Variants in GPAT3 observed in about 807,000 individuals in gnomAD.
GPAT3 encodes the protein 1-AGP acyltransferase 9.
Under a neutral mutation model 58.8 loss-of-function variants are expected in GPAT3, and 53 were observed. The ratio of observed to expected loss-of-function variants is 0.90; its 90% CI spans 0.72 to 1.13. GPAT3 has a LOEUF of 1.13. Ranked by LOEUF, GPAT3 falls within the 50% of genes most tolerant of loss-of-function variation. The pLI, the probability that GPAT3 is intolerant of heterozygous loss-of-function variation, is 0.00. For missense variants in GPAT3, 511 were observed against 527.6 expected (o/e 0.97, Z 0.31); for synonymous variants, 197 against 187.4 (o/e 1.05, Z -0.42).
chr4:83,541,125 C>A (rs985133664), intron 1 of GPAT3, among the ~76,000 whole-genome samples: 1 of 152,190 alleles, frequency 6.6e-6, no homozygotes, highest in African/African-American at 2.4e-5. Flanking sequence ...AAGGCACAGG[C>A]ATGTTTTTAC....
In GPAT3 at chr4:83,587,315, G is replaced by C. The variant is rs1008695158; in HGVS notation, c.540G>C (p.Gln180His). ...TTATAGGAACTACACTGGTTGGGCA[G>C]CTGCCAGACAGCAGGTGAAATGTTT... The part of the protein sequence containing the change: ...LLVIGTTLVG[Q>H]LPDSSLKNWL... Residue 180 changes from glutamine to histidine, a missense_variant, in exon 4 of 12, where the codon CAG (glutamine) becomes CAC (histidine). Transcript: ENST00000264409. 3.1e-6 allele frequency: 5 copies of C among 1,613,752 alleles called. No homozygotes were observed. Among genetic ancestry groups the C allele is most frequent in the Non-Finnish European group, 4.2e-6 (5 of 1,179,824 alleles).
At chr4:83,595,721 A>T (rs1377733525) in intron 7 of GPAT3, among the ~76,000 whole-genome samples, 1 of 152,054 alleles carries the variant, frequency 6.6e-6, no homozygotes, top group Admixed American at 6.6e-5. Flanking sequence ...CTTAAAAAAA[A>T]AAAAGAAGAT....
At chr4:83,553,883 T>A (rs1035416618) in intron 2 of GPAT3, among the ~76,000 whole-genome samples, 1 of 151,370 alleles carries the variant, frequency 6.6e-6, no homozygotes, top group Non-Finnish European at 1.5e-5. Flanking sequence ...TCTCAAAAAA[T>A]AAATAAATAA....
intron 6 of GPAT3, among the ~76,000 whole-genome samples, chr4:83,593,138 A>T (rs1210109076): frequency 7.1e-6 from 1 of 140,560 alleles, no homozygotes; most frequent in African/African-American, 2.6e-5. Context: ...AAGTCCTGGG[A>T]TTACAGGTGT....
At chr4:83,569,008 C>T (rs1471901479) in intron 2 of GPAT3, among the ~76,000 whole-genome samples, 3 of 152,112 alleles carry the variant, frequency 2.0e-5, no homozygotes, top group Non-Finnish European at 4.4e-5. Flanking sequence ...TGTCTGTGAC[C>T]TCCCAGTGTT....
intron 7 of GPAT3, 44 bp from the exon 8 acceptor site, chr4:83,596,814 C>G (rs778514946): frequency 1.3e-6 from 2 of 1,490,398 alleles, no homozygotes; most frequent in Non-Finnish European, 9.3e-7. Flanking sequence ...ACATCCACCT[C>G]TCTCTTTATA....
chr4:83,545,069 A>G (rs968800850), intron 2 of GPAT3, among the ~76,000 whole-genome samples: 42 of 152,238 alleles, frequency 2.8e-4, no homozygotes, highest in Admixed American at 2.7e-3. Flanking sequence ...AAATAAGTTT[A>G]GGAATCATCA....
At position 83,548,603 on chromosome 4, in the gene GPAT3, G is replaced by GAC. The variant is rs879876435; in HGVS notation, c.208+4001_208+4002insAC. Among the ~76,000 whole-genome samples, 379 of 152,242 alleles carry GAC rather than the reference G, an allele frequency of 2.5e-3. 1 individual carries two copies. The highest frequency in any genetic ancestry group is 4.5e-3 in the Non-Finnish European group (304 of 68,028). ...ATAAACACCACAAATACATAAAGGCGGTGGCTTGTCATTTTGGCATTGTTC... is the reference window on the plus strand; with the variant it reads ...ATAAACACCACAAATACATAAAGGCGACGTGGCTTGTCATTTTGGCATTGTTC... On this transcript the variant is annotated intron_variant, in intron 2 of 11. Transcript: ENST00000264409.
chr4:83,596,345 G>A (rs1402945661), intron 7 of GPAT3, among the ~76,000 whole-genome samples: 3 of 152,156 alleles, frequency 2.0e-5, no homozygotes, highest in East Asian at 1.9e-4. Flanking sequence ...TTTGGTCCAG[G>A]CACATTGGCT....
intron 2 of GPAT3, among the ~76,000 whole-genome samples, chr4:83,578,428 C>T (rs140023991): frequency 2.0e-5 from 3 of 152,174 alleles, no homozygotes; most frequent in Non-Finnish European, 2.9e-5. Flanking sequence ...GAAAACATTG[C>T]ACAACAAGTG....
At chr4:83,544,961 G>A (rs889942661) in intron 2 of GPAT3, among the ~76,000 whole-genome samples, 8 of 151,838 alleles carry the variant, frequency 5.3e-5, no homozygotes, top group African/African-American at 1.5e-4. Flanking sequence ...TTGAGGTTTC[G>A]TTAACCAACT....
At chr4:83,571,717 C>T (rs113992364) in intron 2 of GPAT3, among the ~76,000 whole-genome samples, 4 of 150,682 alleles carry the variant, frequency 2.7e-5, no homozygotes, top group East Asian at 3.9e-4. Flanking sequence ...CATATATATA[C>T]ACACACATAT....
At chr4:83,546,379 GTTT>G (rs373055285) in intron 2 of GPAT3, among the ~76,000 whole-genome samples, 3 of 136,116 alleles carry the variant, frequency 2.2e-5, no homozygotes, top group Admixed American at 7.3e-5. Context: ...CGTGGATTTA[GTTT>G]TTTTTTTTTT....
In GPAT3 at chr4:83,581,635, T is replaced by C; in HGVS notation, c.282T>C (p.Ser94=). The change falls in exon 3 of 12, where the codon TCT becomes TCC. Residue 94 remains serine, a synonymous_variant. Coordinates refer to ENST00000264409, the MANE Select transcript of GPAT3 (RefSeq NM_032717.5). ...SGLRGRDFEL[S]DVFYFSKKGL... ...TACGAGGAAGGGACTTTGAGCTGTCTGACGTGTTTTATTTCTCCAAGAAGG... is the reference window on the plus strand; with the variant it reads ...TACGAGGAAGGGACTTTGAGCTGTCCGACGTGTTTTATTTCTCCAAGAAGG... 6.2e-7 allele frequency: 1 copy of C among 1,614,218 alleles called. No individual in the cohort carries two copies. The highest frequency in any genetic ancestry group is 1.1e-5 in the South Asian group (1 of 91,092).
rs1727208327 is a variant in GPAT3, at chr4:83,605,157, C to T, written c.*390C>T. 1 of 161,754 alleles carries T rather than the reference C, an allele frequency of 6.2e-6. No individual in the cohort carries two copies. The highest frequency in any genetic ancestry group is 1.7e-4 in the South Asian group (1 of 5,806). The allele number at this position is 161,754 out of a possible 1,614,324, so 10.0% of individuals were successfully genotyped here. A position where few individuals can be genotyped will look rare whatever the true frequency, so the allele number is the denominator to read the frequency against. On this transcript the variant is annotated 3_prime_UTR_variant, in exon 12 of 12. Transcript: ENST00000264409. ...TTAGCCTTGCCACTTTCTTCAGTCA[C>T]TTAAATGGTGAGATTACACATCAGT...
At chr4:83,570,268 G>A (rs562729648) in intron 2 of GPAT3, among the ~76,000 whole-genome samples, 1 of 152,256 alleles carries the variant, frequency 6.6e-6, no homozygotes, top group African/African-American at 2.4e-5. Flanking sequence ...GTATAAGTTG[G>A]AGATAATACA....
At chr4:83,549,711 T>TTTTTTA (rs1553943606) in intron 2 of GPAT3, among the ~76,000 whole-genome samples, 2 of 142,860 alleles carry the variant, frequency 1.4e-5, no homozygotes, top group Admixed American at 7.1e-5. Flanking sequence ...TTTGTATATA[T>TTTTTTA]TTATTATTAT....
intron 11 of GPAT3, among the ~76,000 whole-genome samples, chr4:83,603,245 C>T (rs1403122534): frequency 1.3e-5 from 2 of 152,180 alleles, no homozygotes; most frequent in East Asian, 3.8e-4. Context: ...CTATGATAGT[C>T]CAAACTACTC....
intron 1 of GPAT3, among the ~76,000 whole-genome samples, chr4:83,541,316 G>A (rs1446405663): frequency 2.0e-5 from 3 of 150,052 alleles, no homozygotes; most frequent in East Asian, 2.0e-4. Context: ...CTGTAGCCTC[G>A]ACCTCCTGAG....
Sources: allele counts gnomAD v4.1 joint callset (sites outside exome capture counted in the v4.1 genomes callset), GRCh38; gene constraint gnomAD v4.1.1; transcripts MANE v1.5; gene names NCBI Gene and HGNC (gene_info 2026-07-23, HGNC 2026-07-21).